Variants in ZNF236 observed in about 807,000 individuals in gnomAD.
ZNF236 encodes regulated by glucose.
A neutral mutation model predicts 191.2 loss-of-function variants in ZNF236; 50 were observed. That is an observed-to-expected ratio of 0.26 (90% CI 0.21 to 0.33). The LOEUF (loss-of-function observed/expected upper bound fraction) is 0.33. ZNF236 is among the 10% of genes least tolerant of loss of function. The pLI is 1.00. For synonymous variants in ZNF236, 907 were observed against 928.8 expected, an observed-to-expected ratio of 0.98 and a Z score of 0.43; for missense variants, 1,754 against 2,374.5, an observed-to-expected ratio of 0.74 and a Z score of 5.43.
In ZNF236 at chr18:76,919,380, T is replaced by G. The variant is rs1967470846; in HGVS notation, c.3275-396T>G. ...TGATCAAATCAGAGTACTTGGGGTA[T>G]TCATCACCTTAAGTATTTAGCAGTT... On this transcript the variant is annotated intron_variant, in intron 19 of 30. Coordinates refer to ENST00000320610, the MANE Select transcript of ZNF236 (RefSeq NM_001306089.2). The surrounding 1 kb of genome is among the most constrained non-coding windows in gnomAD (Gnocchi z 5.3). Among the ~76,000 whole-genome samples, 1 of 152,230 alleles carries G rather than the reference T, an allele frequency of 6.6e-6. No individual in the cohort carries two copies. The highest frequency in any genetic ancestry group is 1.5e-5 in the Non-Finnish European group (1 of 68,048).
At chr18:76,961,078 A>AT (rs1160035434) in intron 30 of ZNF236, among the ~76,000 whole-genome samples, 1 of 152,158 alleles carries the variant, frequency 6.6e-6, no homozygotes, top group Admixed American at 6.5e-5. Context: ...TGTAGTGGTG[A>AT]TTTGTGAGAT....
chr18:76,953,241 G>C (rs1207652571), intron 27 of ZNF236, among the ~76,000 whole-genome samples: 1 of 152,194 alleles, frequency 6.6e-6, no homozygotes, highest in Non-Finnish European at 1.5e-5. Flanking sequence ...AACTTTGTTA[G>C]CAACTTCAAG....
At chr18:76,835,086 A>T (rs962304661) in intron 1 of ZNF236, among the ~76,000 whole-genome samples, 1 of 151,400 alleles carries the variant, frequency 6.6e-6, no homozygotes, top group African/African-American at 2.4e-5. Flanking sequence ...GGCTATTGGC[A>T]ATTCTACAGT....
chr18:76,834,624 C>A, intron 1 of ZNF236: 1 of 448,348 alleles, frequency 2.2e-6, no homozygotes, highest in South Asian at 1.9e-5. Flanking sequence ...GTGCCATTAT[C>A]CTTTTCCCGT....
At chr18:76,920,174 T>A in intron 20 of ZNF236, 116 bp downstream of exon 20, 1 of 1,207,048 alleles carries the variant, frequency 8.3e-7, no homozygotes, top group Non-Finnish European at 1.1e-6. Flanking sequence ...TGGTGTCACC[T>A]GAGTGATGGC....
chr18:76,877,980 C>A, intron 6 of ZNF236, 29 bp from the exon 7 acceptor site: 2 of 1,489,632 alleles, frequency 1.3e-6, no homozygotes, highest in South Asian at 1.4e-5. Flanking sequence ...AATTGTAAAA[C>A]ATCATTTTTT....
At chr18:76,941,622 A>G (rs867448270) in intron 26 of ZNF236, among the ~76,000 whole-genome samples, 3 of 152,158 alleles carry the variant, frequency 2.0e-5, no homozygotes, top group African/African-American at 7.2e-5. Context: ...ACATGGGAGC[A>G]GGAGGCTTTG....
intron 13 of ZNF236, among the ~76,000 whole-genome samples, chr18:76,906,132 T>G (rs545308691): frequency 1.3e-5 from 2 of 152,348 alleles, no homozygotes; most frequent in African/African-American, 4.8e-5. Context: ...TATGTCTGCC[T>G]GGATGTCGTC....
At chr18:76,936,089 CCT>C (rs1474568150) in intron 25 of ZNF236, 2 of 456,862 alleles carry the variant, frequency 4.4e-6, no homozygotes, top group Non-Finnish European at 4.4e-6. Context: ...CCTGTTGGCC[CCT>C]GACTCCTAGG....
chr18:76,869,733 A>T (rs1976527949), intron 4 of ZNF236, among the ~76,000 whole-genome samples: 1 of 152,212 alleles, frequency 6.6e-6, no homozygotes. Flanking sequence ...GGGCAGGCGG[A>T]TCACCTGAGG....
At chr18:76,945,173 ATATACC>A (rs1968228196) in intron 26 of ZNF236, among the ~76,000 whole-genome samples, 1 of 152,202 alleles carries the variant, frequency 6.6e-6, no homozygotes, top group Non-Finnish European at 1.5e-5. Flanking sequence ...TTTTCCCTTG[ATATACC>A]TATACAAGCT....
chr18:76,932,797 C>G (rs943874610), intron 25 of ZNF236, among the ~76,000 whole-genome samples: 1 of 152,154 alleles, frequency 6.6e-6, no homozygotes, highest in Non-Finnish European at 1.5e-5. Flanking sequence ...CTTGGTGATC[C>G]TGGATGTTTG....
intron 20 of ZNF236, among the ~76,000 whole-genome samples, chr18:76,921,828 G>A (rs542101800): frequency 2.2e-5 from 3 of 135,668 alleles, no homozygotes; most frequent in Middle Eastern, 5.0e-3. Context: ...TGCAAACTCC[G>A]AGAACGGGAC....
chr18:76,857,940 G>C (rs144708315), intron 3 of ZNF236, among the ~76,000 whole-genome samples: 1 of 152,158 alleles, frequency 6.6e-6, no homozygotes, highest in Non-Finnish European at 1.5e-5. Flanking sequence ...GCGATGTTTG[G>C]TTACTATGGA....
At chr18:76,905,945 A>C (rs941238939) in intron 13 of ZNF236, among the ~76,000 whole-genome samples, 2 of 152,212 alleles carry the variant, frequency 1.3e-5, no homozygotes, top group East Asian at 3.9e-4. Context: ...GAAGAGATGC[A>C]TTTCTGACTA....
intron 18 of ZNF236, 114 bp from the exon 19 acceptor site, chr18:76,915,533 C>T: frequency 1.1e-6 from 1 of 915,962 alleles, no homozygotes; most frequent in East Asian, 2.4e-5. Context: ...TGTTAAGCCT[C>T]AGGATAATGT....
chr18:76,917,097 C>T (rs1179329998), intron 19 of ZNF236, among the ~76,000 whole-genome samples: 1 of 152,188 alleles, frequency 6.6e-6, no homozygotes, highest in Non-Finnish European at 1.5e-5. Context: ...TTGTGCACCT[C>T]ATTTCTTTAG....
chr18:76,929,270 G>T (rs1401663187), intron 25 of ZNF236, among the ~76,000 whole-genome samples: 3 of 152,102 alleles, frequency 2.0e-5, no homozygotes, highest in South Asian at 4.2e-4. Context: ...AGATGCAGTG[G>T]TTTTTAGATG....
intron 25 of ZNF236, among the ~76,000 whole-genome samples, chr18:76,936,920 T>C (rs1027929931): frequency 2.0e-5 from 3 of 152,230 alleles, no homozygotes; most frequent in African/African-American, 7.2e-5. Flanking sequence ...TACTGGTTTT[T>C]CTCTGTGTGT....
Sources: gnomAD v4.1 joint callset for allele counts (sites outside exome capture counted in the v4.1 genomes callset) on GRCh38, gnomAD v4.1.1 for gene constraint, Gnocchi (gnomAD v3.1) non-coding constraint, MANE v1.5 for transcripts, NCBI Gene and HGNC (gene_info 2026-07-23, HGNC 2026-07-21) for gene names.